The following INTS8 variants were observed in gnomAD, a reference collection of about 807,000 sequenced individuals.
INTS8 encodes the protein integrator complex subunit 8.
Under a neutral mutation model 138.9 loss-of-function variants are expected in INTS8, and 47 were observed. The observed-to-expected ratio is 0.34, with a 90% CI of 0.27 to 0.43. The LOEUF (loss-of-function observed/expected upper bound fraction) is 0.43. Ranked by LOEUF, INTS8 falls within the 20% of genes least tolerant of loss-of-function variation. The pLI is 1.00. For synonymous variants in INTS8, 392 were observed against 400.9 expected, an observed-to-expected ratio of 0.98 and a Z score of 0.27; for missense variants, 996 against 1,173.0, an observed-to-expected ratio of 0.85 and a Z score of 2.20.
intron 21 of INTS8, among the ~76,000 whole-genome samples, chr8:94,872,877 T>C (rs547864543): frequency 9.2e-5 from 14 of 152,354 alleles, no homozygotes; most frequent in Non-Finnish European, 1.2e-4. Flanking sequence ...GTTCAAGATA[T>C]GAAGATAAAA....
chr8:94,869,140 A>T (rs1188128179), intron 20 of INTS8, among the ~76,000 whole-genome samples: 2 of 151,802 alleles, frequency 1.3e-5, no homozygotes, highest in Non-Finnish European at 1.5e-5. Flanking sequence ...GTGCCACCAC[A>T]CTGGGTAAAT....
chr8:94,851,723 C>G, intron 13 of INTS8, 37 bp downstream of exon 13: 2 of 1,526,146 alleles, frequency 1.3e-6, no homozygotes, highest in Non-Finnish European at 1.7e-6. Context: ...GAAAATTGCC[C>G]TTGTTTTCTG....
At chr8:94,865,059 C>A (rs1330037792) in intron 16 of INTS8, among the ~76,000 whole-genome samples, 1 of 151,578 alleles carries the variant, frequency 6.6e-6, no homozygotes, top group Non-Finnish European at 1.5e-5. Flanking sequence ...TGTATTTGCA[C>A]GTGGGAGAGA....
Position 94,881,577 on chromosome 8 carries a change from A to C in INTS8, c.*1343A>C. On this transcript the variant is annotated 3_prime_UTR_variant, in exon 27 of 27. Coordinates refer to ENST00000523731, the MANE Select transcript of INTS8 (RefSeq NM_017864.4). ...TCTGTAAAACTTTAGTAGTTCAGTG[A>C]TACCAGTTCTACCCAATCTTGGTGA... The C allele has an allele frequency of 1.9e-6, 3 of 1,576,228 alleles. No homozygotes were observed. Among genetic ancestry groups the C allele is most frequent in the Middle Eastern group, 1.7e-4 (1 of 5,924 alleles).
chr8:94,834,800 A>C (rs1050879534), intron 6 of INTS8, among the ~76,000 whole-genome samples: 1 of 152,194 alleles, frequency 6.6e-6, no homozygotes, highest in Non-Finnish European at 1.5e-5. Context: ...GGATTCTTTG[A>C]ATTGGACAGA....
chr8:94,849,461 G>T lies in INTS8; in HGVS notation c.1261-1G>T. On this transcript the variant is annotated splice_acceptor_variant, in intron 10 of 26. Transcript: ENST00000523731. LOFTEE classifies it high-confidence loss of function. The stretch of plus-strand genomic sequence containing the variant: ...CAAATGAAAATTACTCAAATTCCTA[G>T]GTATGTTCAAGATCAGTAAATTTAG... The T allele has an allele frequency of 6.9e-7, 1 of 1,459,640 alleles. No individual in the cohort carries two copies. Among genetic ancestry groups the T allele is most frequent in the Non-Finnish European group, 9.4e-7 (1 of 1,063,968 alleles). The allele number at this position is 1,459,640 out of a possible 1,614,324, so 90.4% of individuals were successfully genotyped here.
chr8:94,838,877 G>C (rs1815033119), intron 8 of INTS8, among the ~76,000 whole-genome samples: 1 of 152,222 alleles, frequency 6.6e-6, no homozygotes, highest in South Asian at 2.1e-4. Flanking sequence ...TAAAGGTATA[G>C]AGTTGGTCTA....
chr8:94,827,315 A>G lies in INTS8; in HGVS notation c.358A>G (p.Lys120Glu), dbSNP rs1190045944. Residue 120 changes from lysine (K) to glutamate (E), a missense_variant, in exon 3 of 27, where the codon AAA becomes GAA. Physicochemically the swap from Lys to Glu is moderately conservative, Grantham distance 56. Coordinates refer to ENST00000523731, the MANE Select transcript of INTS8 (RefSeq NM_017864.4). Reference sequence around the variant, plus strand: ...ACTAAATGAACTACTCTGCATCAGTAAAGTTCCTCCTGGGACAAAGCATGT... The same window carrying G: ...ACTAAATGAACTACTCTGCATCAGTGAAGTTCCTCCTGGGACAAAGCATGT... ...MLLNELLCISKVPPGTKHVDM... is the reference protein window; with the variant it reads ...MLLNELLCISEVPPGTKHVDM... 3 of 1,613,326 alleles carry G rather than the reference A, an allele frequency of 1.9e-6. No homozygotes were observed. Among genetic ancestry groups the G allele is most frequent in the Admixed American group, 1.7e-5 (1 of 60,006 alleles).
In INTS8 at chr8:94,849,773, T is replaced by TTTAATAATTTAAAATTTTAATAA. The variant is rs1200817191; in HGVS notation, c.1332-141_1332-140insAATAATTTAAAATTTTAATAATT. 2.1e-5 allele frequency: 13 copies of TTTAATAATTTAAAATTTTAATAA among 632,252 alleles called. No homozygotes were observed. The East Asian group carries it at 2.1e-4, about 10-fold the overall frequency. The allele number at this position is 632,252 out of a possible 1,614,324, so 39.2% of individuals were successfully genotyped here. Reference sequence around the variant, plus strand: ...ATTTTAAATAAGGACCAAAGGGAAATTTTAAAATCTATTTTAAAATATCAT... The same window carrying TTTAATAATTTAAAATTTTAATAA: ...ATTTTAAATAAGGACCAAAGGGAAATTTAATAATTTAAAATTTTAATAATTTAAAATCTATTTTAAAATATCAT... On this transcript the variant is annotated intron_variant, in intron 11 of 26. Transcript: ENST00000523731.
At chr8:94,836,225 G>A (rs1273995270) in intron 6 of INTS8, among the ~76,000 whole-genome samples, 1 of 152,124 alleles carries the variant, frequency 6.6e-6, no homozygotes, top group East Asian at 1.9e-4. Flanking sequence ...GACTAGTGTT[G>A]GCTCTCATCC....
At chr8:94,849,052 T>A (rs1291820978) in intron 10 of INTS8, among the ~76,000 whole-genome samples, 1 of 152,142 alleles carries the variant, frequency 6.6e-6, no homozygotes, top group Admixed American at 6.5e-5. Flanking sequence ...ATTAGTTCTA[T>A]ATTCATGATA....
chr8:94,841,867 A>G (rs1815146439), intron 9 of INTS8, among the ~76,000 whole-genome samples: 1 of 152,072 alleles, frequency 6.6e-6, no homozygotes, highest in African/African-American at 2.4e-5. Flanking sequence ...CAGGAGTTTG[A>G]GACTAGTCTG....
intron 21 of INTS8, among the ~76,000 whole-genome samples, chr8:94,873,142 A>G (rs1220255096): frequency 1.3e-5 from 2 of 152,250 alleles, no homozygotes; most frequent in South Asian, 2.1e-4. Context: ...ATTCTGAACT[A>G]CTTCACAAAA....
At chr8:94,835,442 C>G (rs919885267) in intron 6 of INTS8, among the ~76,000 whole-genome samples, 2 of 152,114 alleles carry the variant, frequency 1.3e-5, no homozygotes, top group Non-Finnish European at 2.9e-5. Flanking sequence ...TAGAAACATA[C>G]GACTGGAAAA....
intron 6 of INTS8, among the ~76,000 whole-genome samples, chr8:94,833,015 G>A (rs1259725254): frequency 6.6e-6 from 1 of 151,698 alleles, no homozygotes; most frequent in Admixed American, 6.6e-5. Flanking sequence ...ATAACTCTTT[G>A]ACATCTCTCT....
rs148870804 is a variant in INTS8, at chr8:94,876,723, T to C, written c.2871+234T>C. ...CTCAGTCCCAAACTTTCCAATGGCT[T>C]CTCATCTCATACAAAGTTAAAAGTC... is the stretch of plus-strand genomic sequence containing the variant. On this transcript the variant is annotated intron_variant, in intron 26 of 26. Transcript: ENST00000523731. The C allele has an allele frequency of 4.1e-4, 171 of 417,658 alleles. 1 individual carries two copies. Among genetic ancestry groups the C allele is most frequent in the Non-Finnish European group, 6.0e-4 (142 of 238,220 alleles). The allele number at this position is 417,658 out of a possible 1,614,324, so 25.9% of individuals were successfully genotyped here. A position where few individuals can be genotyped will look rare whatever the true frequency, so the allele number is the denominator to read the frequency against.
Position 94,874,542 on chromosome 8 carries a change from G to C in INTS8, c.2638-10G>C. ...GGTTTTTGAAAATAATGAGAATTTT[G>C]CTTTTGTAGGTAATAAAACGAATGA... On this transcript the variant is annotated splice_polypyrimidine_tract_variant and intron_variant, in intron 22 of 26. Transcript: ENST00000523731. 8 of 1,508,694 alleles carry C rather than the reference G, an allele frequency of 5.3e-6. No homozygotes were observed. The highest frequency in any genetic ancestry group is 7.4e-6 in the Non-Finnish European group (8 of 1,086,072). 93.5% of individuals were successfully genotyped at this position (1,508,694 alleles called of 1,614,324 possible). A position where few individuals can be genotyped will look rare whatever the true frequency, so the allele number is the denominator to read the frequency against.
chr8:94,857,530 T>C (rs1299506898), intron 15 of INTS8, among the ~76,000 whole-genome samples: 1 of 152,198 alleles, frequency 6.6e-6, no homozygotes, highest in African/African-American at 2.4e-5. Flanking sequence ...AACATAAATA[T>C]ATTATCTCCC....
At chr8:94,873,578 G>A (rs565944958) in intron 22 of INTS8, 101 bp downstream of exon 22, 21 of 732,938 alleles carry the variant, frequency 2.9e-5, no homozygotes, top group South Asian at 4.9e-5. Context: ...TAATGTGATC[G>A]TAAGTCCCAG....
Sources: allele counts gnomAD v4.1 joint callset (sites outside exome capture counted in the v4.1 genomes callset), GRCh38; gene constraint gnomAD v4.1.1; transcripts MANE v1.5; gene names NCBI Gene and HGNC (gene_info 2026-07-23, HGNC 2026-07-21).